The following MAN2B1 variants were observed in gnomAD, a reference collection of about 807,000 sequenced individuals.
MAN2B1 encodes lysosomal alpha-mannosidase.
In MAN2B1, 99 loss-of-function variants were observed where a neutral mutation model predicts 127.5. The ratio of observed to expected loss-of-function variants is 0.78; its 90% CI spans 0.66 to 0.92. The LOEUF (loss-of-function observed/expected upper bound fraction) is 0.92. MAN2B1 is among the 40% of genes least tolerant of loss of function. The pLI is 0.00. For missense variants in MAN2B1, 1,304 were observed against 1,384.8 expected, an observed-to-expected ratio of 0.94 and a Z score of 0.93; for synonymous variants, 573 against 568.8, an observed-to-expected ratio of 1.01 and a Z score of -0.11.
chr19:12,656,811 C>T, intron 12 of MAN2B1, 124 bp from the exon 13 acceptor site: 2 of 1,034,140 alleles, frequency 1.9e-6, no homozygotes, highest in Non-Finnish European at 3.0e-6. Context: ...CAAGCCCCCT[C>T]GAGATGCGTT....
intron 18 of MAN2B1, among the ~76,000 whole-genome samples, chr19:12,649,685 T>C (rs2023794409): frequency 6.6e-6 from 1 of 151,716 alleles, no homozygotes; most frequent in Admixed American, 6.6e-5. Flanking sequence ...GGTTTCACCA[T>C]GTTAGCCAGG....
intron 14 of MAN2B1, among the ~76,000 whole-genome samples, chr19:12,652,904 T>C (rs937889773): frequency 2.2e-4 from 33 of 151,986 alleles, no homozygotes; most frequent in African/African-American, 7.0e-4. Flanking sequence ...GCGCAATCTC[T>C]GCTCACTACA....
Position 12,655,720 on chromosome 19 carries a change from A to G in MAN2B1, c.1804T>C (p.Ser602Pro). 1.2e-6 allele frequency: 2 copies of G among 1,609,950 alleles called. No homozygotes were observed. The highest frequency in any genetic ancestry group is 1.7e-6 in the Non-Finnish European group (2 of 1,177,312). Reference protein sequence around the residue: ...APQPIPRRSWSPALTIENEHI... With the variant: ...APQPIPRRSWPPALTIENEHI... ...TCATTTTCGATGGTTAAAGCAGGGGACCAGGATCTTCTGGGGATGGGCTGT... is the reference window on the plus strand; with the variant it reads ...TCATTTTCGATGGTTAAAGCAGGGGGCCAGGATCTTCTGGGGATGGGCTGT... Residue 602 changes from serine to proline, a missense_variant, in exon 14 of 24, where the codon TCC becomes CCC. Coordinates refer to ENST00000456935, the MANE Select transcript of MAN2B1 (RefSeq NM_000528.4).
intron 20 of MAN2B1, 143 bp from the exon 21 acceptor site, chr19:12,648,545 A>G: frequency 3.0e-6 from 2 of 666,412 alleles, no homozygotes; most frequent in Non-Finnish European, 5.2e-6. Context: ...AGGGTCTGGT[A>G]GGGCAACCCC....
At position 12,658,257 on chromosome 19, in the gene MAN2B1, T is replaced by A; in HGVS notation, c.1197A>T (p.Lys399Asn). 1 of 1,614,016 alleles carries A rather than the reference T, an allele frequency of 6.2e-7. No homozygotes were observed. Among genetic ancestry groups the A allele is most frequent in the Non-Finnish European group, 8.5e-7 (1 of 1,179,994 alleles). The change falls in exon 9 of 24, where the codon AAA becomes AAT. Residue 399 changes from lysine (K) to asparagine (N), a missense_variant. By Grantham distance (94) the Lys-to-Asn change is moderately conservative. Coordinates refer to ENST00000456935, the MANE Select transcript of MAN2B1 (RefSeq NM_000528.4). The stretch of plus-strand genomic sequence containing the variant: ...AGTTGTAGCTGAGGCGCTCGTAGCG[T>A]TTGAGGGCCGGCCGACTGGAAAAGT... ...TGYFSSRPAL[K>N]RYERLSYNFL...
At chr19:12,666,053 T>C (rs1159269916) in intron 1 of MAN2B1, among the ~76,000 whole-genome samples, 1 of 152,192 alleles carries the variant, frequency 6.6e-6, no homozygotes, top group Admixed American at 6.5e-5. Flanking sequence ...AAGTAGCTGA[T>C]GTTTGTTCAG....
intron 16 of MAN2B1, 135 bp from the exon 17 acceptor site, chr19:12,650,357 CTT>C (rs35532533): frequency 0.073 from 33,815 of 464,530 alleles, no homozygotes; most frequent in Middle Eastern, 0.11. Context: ...CCACATAATT[CTT>C]TTTTTTTTTT....
chr19:12,657,277 G>A (rs1172261262), intron 11 of MAN2B1, 169 bp downstream of exon 11: 3 of 88,056 alleles, frequency 3.4e-5, no homozygotes, highest in African/African-American at 4.3e-4. Context: ...GCCCCGCCCC[G>A]TTCCTGTATC....
intron 7 of MAN2B1, 83 bp downstream of exon 7, chr19:12,661,177 C>A: frequency 3.3e-6 from 3 of 897,212 alleles, no homozygotes; most frequent in South Asian, 2.6e-5. Context: ...ACAAAGACAG[C>A]ACTGAGAGCT....
chr19:12,665,534 A>G lies in MAN2B1; in HGVS notation c.263-9T>C. The G allele has an allele frequency of 1.2e-6, 2 of 1,614,168 alleles. No homozygotes were observed. The highest frequency in any genetic ancestry group is 1.7e-6 in the Non-Finnish European group (2 of 1,180,028). On this transcript the variant is annotated splice_polypyrimidine_tract_variant and intron_variant, in intron 2 of 23. Transcript: ENST00000456935. ...CTGGATGTCATTCTTGACTGTGGATAACAGGGATAAGGCTCTCAGGGAACA... is the reference window on the plus strand; with the variant it reads ...CTGGATGTCATTCTTGACTGTGGATGACAGGGATAAGGCTCTCAGGGAACA...
Position 12,647,696 on chromosome 19 carries a change from G to T in MAN2B1, c.2665-98C>A. The T allele has an allele frequency of 1.9e-6, 2 of 1,028,172 alleles. No individual in the cohort carries two copies. Among genetic ancestry groups the T allele is most frequent in the Non-Finnish European group, 2.8e-6 (2 of 708,968 alleles). The allele number at this position is 1,028,172 out of a possible 1,614,324, so 63.7% of individuals were successfully genotyped here. On this transcript the variant is annotated intron_variant, in intron 21 of 23. Coordinates refer to ENST00000456935, the MANE Select transcript of MAN2B1 (RefSeq NM_000528.4). The surrounding 1 kb of genome is among the most constrained non-coding windows in gnomAD (Gnocchi z 4.9). ...TCAGGAGGCAGGGCTAGGTTGTAGGGGCGGGGTTTCGCCGGAGAGGGGCAA... is the reference window on the plus strand; with the variant it reads ...TCAGGAGGCAGGGCTAGGTTGTAGGTGCGGGGTTTCGCCGGAGAGGGGCAA...
intron 23 of MAN2B1, chr19:12,646,942 G>C (rs889697505): frequency 9.8e-6 from 6 of 611,232 alleles, no homozygotes; most frequent in Non-Finnish European, 1.7e-5. Context: ...CACTGTCCTC[G>C]TACCCTCAAT....
In MAN2B1 at chr19:12,647,175, C is replaced by T; in HGVS notation, c.2923+58G>A. ...ACATCCCATGCCTCACACATTGCCC[C>T]CACCTGCCGGCCCCAGGTAAGACTC... On this transcript the variant is annotated intron_variant, in intron 23 of 23. Coordinates refer to ENST00000456935, the MANE Select transcript of MAN2B1 (RefSeq NM_000528.4). The surrounding 1 kb of genome is among the most constrained non-coding windows in gnomAD (Gnocchi z 4.9). 6.8e-7 allele frequency: 1 copy of T among 1,478,184 alleles called. No individual in the cohort carries two copies. The highest frequency in any genetic ancestry group is 9.5e-7 in the Non-Finnish European group (1 of 1,056,740). The allele number at this position is 1,478,184 out of a possible 1,614,324, so 91.6% of individuals were successfully genotyped here.
intron 4 of MAN2B1, 51 bp downstream of exon 4, chr19:12,664,741 A>C: frequency 1.3e-6 from 2 of 1,567,306 alleles, no homozygotes; most frequent in Non-Finnish European, 1.7e-6. Context: ...TGGGCGAGGG[A>C]GGAGCCAGAG....
At chr19:12,662,487 G>A (rs866664153) in intron 6 of MAN2B1, among the ~76,000 whole-genome samples, 5 of 151,980 alleles carry the variant, frequency 3.3e-5, no homozygotes, top group Non-Finnish European at 5.9e-5. Flanking sequence ...AAACTTAGCC[G>A]AGCATGGTGG....
At chr19:12,661,221 C>T (rs773074017) in intron 7 of MAN2B1, 39 bp downstream of exon 7, 1 of 1,434,176 alleles carries the variant, frequency 7.0e-7, no homozygotes, top group Non-Finnish European at 9.8e-7. Context: ...GATGCAAGCG[C>T]ACATGTGCAC....
intron 19 of MAN2B1, 26 bp from the exon 20 acceptor site, chr19:12,649,242 G>A: frequency 2.5e-6 from 4 of 1,611,706 alleles, no homozygotes; most frequent in South Asian, 1.1e-5. Context: ...TGAAAGTAGA[G>A]GGCAGTCAAC....
At chr19:12,664,681 A>AGGCCTG in intron 4 of MAN2B1, 111 bp downstream of exon 4, 7 of 1,173,242 alleles carry the variant, frequency 6.0e-6, no homozygotes, top group South Asian at 5.3e-5. Context: ...CAACAGGCCT[A>AGGCCTG]GGCCTGGGCC....
Position 12,657,070 on chromosome 19 carries a change from C to T in MAN2B1, c.1420-14G>A. 1 of 1,537,998 alleles carries T rather than the reference C, an allele frequency of 6.5e-7. No individual in the cohort carries two copies. The highest frequency in any genetic ancestry group is 8.9e-7 in the Non-Finnish European group (1 of 1,119,844). On this transcript the variant is annotated splice_polypyrimidine_tract_variant and intron_variant, in intron 11 of 23. Coordinates refer to ENST00000456935, the MANE Select transcript of MAN2B1 (RefSeq NM_000528.4). ...GCTCAGAAGAACCTGCGGAAGAGCG[C>T]AAAGGGACCGGTGGGTTCAGGACGC...
Sources: gnomAD v4.1 joint callset for allele counts (sites outside exome capture counted in the v4.1 genomes callset) on GRCh38, gnomAD v4.1.1 for gene constraint, Gnocchi (gnomAD v3.1) non-coding constraint, MANE v1.5 for transcripts, NCBI Gene and HGNC (gene_info 2026-07-23, HGNC 2026-07-21) for gene names.